Variants in EYA4 observed in about 807,000 individuals in gnomAD.
EYA4 encodes protein phosphatase EYA4.
In EYA4, 31 loss-of-function variants were observed where a neutral mutation model predicts 87.9. That is an observed-to-expected ratio of 0.35 (90% CI 0.27 to 0.48). The LOEUF is 0.48. Among genes scored for constraint, EYA4 ranks in the 20% least tolerant of loss-of-function variants. The pLI, the probability that EYA4 is intolerant of heterozygous loss-of-function variation, is 0.99. For synonymous variants in EYA4, 263 were observed against 270.6 expected (o/e 0.97, Z 0.28); for missense variants, 678 against 761.4 (o/e 0.89, Z 1.29).
chr6:133,461,213 G>T (rs1337752537), intron 7 of EYA4, 33 bp downstream of exon 7: 2 of 1,455,052 alleles, frequency 1.4e-6, no homozygotes, highest in Admixed American at 3.3e-5. Context: ...CTTTAAATTG[G>T]CAAACATTTA....
chr6:133,312,409 C>CAG lies in EYA4; in HGVS notation c.33+37600_33+37601dup, dbSNP rs1004008733. On this transcript the variant is annotated intron_variant, in intron 2 of 19. Coordinates refer to ENST00000355286, the MANE Select transcript of EYA4 (RefSeq NM_004100.5). ...ACACACACACACACACACACACACA[C>CAG]AGAGATAAAGCAAGAGAATATGAGA... 1.3e-3 allele frequency among the ~76,000 whole-genome samples: 199 copies of CAG among 148,638 alleles called. 18 individuals carry two copies. The highest frequency in any genetic ancestry group is 2.2e-3 in the East Asian group (11 of 5,048).
chr6:133,336,740 T>C (rs1348996766), intron 2 of EYA4, among the ~76,000 whole-genome samples: 1 of 152,208 alleles, frequency 6.6e-6, no homozygotes, highest in Non-Finnish European at 1.5e-5. Flanking sequence ...GCAACTTATT[T>C]CCAAACGATT....
At chr6:133,347,184 TCC>T (rs1477970557) in intron 2 of EYA4, among the ~76,000 whole-genome samples, 1 of 152,204 alleles carries the variant, frequency 6.6e-6, no homozygotes, top group Non-Finnish European at 1.5e-5. Context: ...TTTCATGATA[TCC>T]TTTTCATATC....
chr6:133,527,677 T>A (rs1260924237), intron 19 of EYA4, among the ~76,000 whole-genome samples: 1 of 152,222 alleles, frequency 6.6e-6, no homozygotes, highest in African/African-American at 2.4e-5. Context: ...AATAGCCACA[T>A]GTGGCTGGTG....
chr6:133,329,440 T>C lies in EYA4; in HGVS notation c.34-52952T>C, dbSNP rs76771583. ...TCTGGACGGAGAATTTGAAATCAAA[T>C]GACAATTTTTGTTGCATAGTTTTGT... On this transcript the variant is annotated intron_variant, in intron 2 of 19. Transcript: ENST00000355286. 6.6e-3 allele frequency among the ~76,000 whole-genome samples: 1,000 copies of C among 152,222 alleles called. 9 individuals carry two copies. The highest frequency in any genetic ancestry group is 0.022 in the African/African-American group (896 of 41,568).
chr6:133,244,128 G>C (rs1433154295), intron 1 of EYA4, among the ~76,000 whole-genome samples: 1 of 152,098 alleles, frequency 6.6e-6, no homozygotes, highest in Non-Finnish European at 1.5e-5. Context: ...ATATGTACTT[G>C]TCTTTCATAA....
chr6:133,476,499 G>A (rs73544971), intron 11 of EYA4, among the ~76,000 whole-genome samples: 13,562 of 152,038 alleles, frequency 0.089, 1,181 homozygotes, highest in African/African-American at 0.21. Context: ...ATGAGGTCAT[G>A]TAGTATTTGT....
At chr6:133,393,133 A>G (rs1787445803) in intron 3 of EYA4, among the ~76,000 whole-genome samples, 1 of 152,176 alleles carries the variant, frequency 6.6e-6, no homozygotes, top group African/African-American at 2.4e-5. Flanking sequence ...CTTATTTTGC[A>G]CTTAGAGCAT....
chr6:133,495,826 G>A (rs1004736620), intron 13 of EYA4, among the ~76,000 whole-genome samples: 1 of 152,136 alleles, frequency 6.6e-6, no homozygotes, highest in African/African-American at 2.4e-5. Context: ...TTTTGCATTT[G>A]GAACAAATTT....
At chr6:133,522,984 G>A in intron 17 of EYA4, 72 bp from the exon 18 acceptor site, 1 of 1,349,010 alleles carries the variant, frequency 7.4e-7, no homozygotes, top group Non-Finnish European at 1.1e-6. Flanking sequence ...AGAGACCACA[G>A]TGACAATTTT....
chr6:133,267,258 AT>A (rs973882254), intron 1 of EYA4, among the ~76,000 whole-genome samples: 1 of 152,034 alleles, frequency 6.6e-6, no homozygotes, highest in Non-Finnish European at 1.5e-5. Context: ...TGTTTATCAA[AT>A]TTTTTTTAGT....
At chr6:133,265,293 T>G (rs73776009) in intron 1 of EYA4, among the ~76,000 whole-genome samples, 6,224 of 151,748 alleles carry the variant, frequency 0.041, 385 homozygotes, top group African/African-American at 0.14. Context: ...TGCTGTTACT[T>G]TCAGTGGCAA....
chr6:133,426,879 A>T (rs1178061931), intron 3 of EYA4, among the ~76,000 whole-genome samples: 3 of 152,212 alleles, frequency 2.0e-5, no homozygotes, highest in African/African-American at 7.2e-5. Context: ...ATCTATTTAT[A>T]TCACATCTCC....
intron 2 of EYA4, among the ~76,000 whole-genome samples, chr6:133,313,590 A>T (rs1272571226): frequency 6.6e-6 from 1 of 152,230 alleles, no homozygotes. Context: ...AGTTGTTGCT[A>T]TTCCAATAGG....
At chr6:133,494,606 C>T (rs558826999) in intron 13 of EYA4, among the ~76,000 whole-genome samples, 19 of 148,084 alleles carry the variant, frequency 1.3e-4, no homozygotes, top group East Asian at 2.0e-4. Flanking sequence ...TGGGAGGTGA[C>T]GCAGGAGAAT....
chr6:133,292,168 C>T (rs1778541711), intron 2 of EYA4, among the ~76,000 whole-genome samples: 1 of 152,168 alleles, frequency 6.6e-6, no homozygotes, highest in South Asian at 2.1e-4. Flanking sequence ...GTAATAGCAT[C>T]TGCTTAATTT....
chr6:133,456,464 C>A, intron 5 of EYA4, 92 bp from the exon 6 acceptor site: 1 of 901,760 alleles, frequency 1.1e-6, no homozygotes, highest in Non-Finnish European at 1.9e-6. Flanking sequence ...TCTTGCATGC[C>A]CATGGTAGCT....
chr6:133,330,101 A>G (rs1474623174), intron 2 of EYA4, among the ~76,000 whole-genome samples: 2 of 152,132 alleles, frequency 1.3e-5, no homozygotes, highest in Admixed American at 6.5e-5. Context: ...AAGGGTATCT[A>G]TAAGAACTTA....
chr6:133,318,696 A>C (rs1780814051), intron 2 of EYA4, among the ~76,000 whole-genome samples: 1 of 151,494 alleles, frequency 6.6e-6, no homozygotes, highest in Non-Finnish European at 1.5e-5. Context: ...CCTTTTAAAC[A>C]TCCAGCATAC....
Sources: allele counts gnomAD v4.1 joint callset (sites outside exome capture counted in the v4.1 genomes callset), GRCh38; gene constraint gnomAD v4.1.1; transcripts MANE v1.5; gene names NCBI Gene and HGNC (gene_info 2026-07-23, HGNC 2026-07-21).